Variants in ZNF726 observed in about 807,000 individuals in gnomAD.
ZNF726 encodes zinc finger protein 726.
Under a neutral mutation model 11.6 loss-of-function variants are expected in ZNF726, and 15 were observed. That is an observed-to-expected ratio of 1.29 (90% CI 0.86 to 1.99). The LOEUF is 1.99. Ranked by LOEUF, ZNF726 falls within the 30% of genes most tolerant of loss-of-function variation. The pLI is 0.00. For synonymous variants in ZNF726, 295 were observed against 243.6 expected (o/e 1.21, Z -1.96); for missense variants, 890 against 725.6 (o/e 1.23, Z -2.60).
chr19:23,935,262 C>T (rs754147382), downstream of ZNF726: 3 of 477,692 alleles, frequency 6.3e-6, no homozygotes, highest in South Asian at 3.0e-5. Flanking sequence ...TTTTATTAAA[C>T]ATAAGGTAAT....
intron 3 of ZNF726, among the ~76,000 whole-genome samples, chr19:23,931,101 G>T (rs1004660433): frequency 1.4e-4 from 21 of 152,126 alleles, no homozygotes; most frequent in Admixed American, 7.2e-4. Flanking sequence ...CTTCTGAGTA[G>T]CTGGGGCTGC....
chr19:23,936,894 T>G (rs909878252), downstream of ZNF726, among the ~76,000 whole-genome samples: 8 of 152,142 alleles, frequency 5.3e-5, no homozygotes, highest in African/African-American at 1.9e-4. Context: ...GATTTCTCAA[T>G]CTTTTCCCCA....
At chr19:23,927,556 AT>A (rs1346207615) in intron 3 of ZNF726, among the ~76,000 whole-genome samples, 1 of 152,086 alleles carries the variant, frequency 6.6e-6, no homozygotes, top group East Asian at 1.9e-4. Flanking sequence ...TACTGGCATG[AT>A]TTTGGCTCAC....
At chr19:23,940,616 C>T (rs549938812) in intron 3 of ZNF726, among the ~76,000 whole-genome samples, 3 of 152,122 alleles carry the variant, frequency 2.0e-5, no homozygotes, top group African/African-American at 7.2e-5. Flanking sequence ...TTCTATCCTT[C>T]CATGAGCATG....
intron 1 of ZNF726, chr19:23,919,152 A>G (rs1967777694): frequency 1.9e-6 from 1 of 534,140 alleles, no homozygotes; most frequent in Non-Finnish European, 3.0e-6. Context: ...GAAAAGTATC[A>G]TATATACACT....
At chr19:23,927,585 G>A (rs900686733) in intron 3 of ZNF726, among the ~76,000 whole-genome samples, 5 of 152,100 alleles carry the variant, frequency 3.3e-5, no homozygotes, top group African/African-American at 1.2e-4. Context: ...TCAACCTACT[G>A]GGCTCAAGTG....
rs762611568 is a variant in ZNF726 at position 23,934,073 on chromosome 19, T to A, written c.*106T>A. ...AGAGAAACCCTACAAATGTGAAGAA[T>A]GTGAAAAAGCTTTTAATCCTCAAAT... On this transcript the variant is annotated 3_prime_UTR_variant, in exon 4 of 4. Transcript: ENST00000594466. 1.4e-6 allele frequency: 2 copies of A among 1,396,724 alleles called. No homozygotes were observed. Among genetic ancestry groups the A allele is most frequent in the South Asian group, 1.2e-5 (1 of 84,514 alleles). 86.5% of individuals were successfully genotyped at this position (1,396,724 alleles called of 1,614,324 possible). A position where few individuals can be genotyped will look rare whatever the true frequency, so the allele number is the denominator to read the frequency against.
intron 3 of ZNF726, among the ~76,000 whole-genome samples, chr19:23,931,261 C>T (rs1347208790): frequency 6.6e-6 from 1 of 152,168 alleles, no homozygotes; most frequent in Admixed American, 6.5e-5. Context: ...CATGAGCCAC[C>T]GCTCCCCAGC....
downstream of ZNF726, among the ~76,000 whole-genome samples, chr19:23,937,296 C>T (rs1457129057): frequency 2.6e-5 from 4 of 151,830 alleles, no homozygotes; most frequent in Admixed American, 6.5e-5. Context: ...ACCCCCCCAC[C>T]TCCCTTCCGG....
chr19:23,921,895 G>A (rs1462995174), intron 3 of ZNF726, among the ~76,000 whole-genome samples: 1 of 152,172 alleles, frequency 6.6e-6, no homozygotes, highest in Non-Finnish European at 1.5e-5. Flanking sequence ...TACTTTCAGT[G>A]CTATGTTAAA....
In ZNF726 at chr19:23,934,157, G is replaced by A. The variant is rs1366300881; in HGVS notation, c.*190G>A. On this transcript the variant is annotated 3_prime_UTR_variant, in exon 4 of 4. Coordinates refer to ENST00000594466, the MANE Select transcript of ZNF726 (RefSeq NM_001244038.2). ...AAACCTTACAAGTGTGAAGAATGTGGGAAAGCTTTTAATCATTCTCAAATC... is the reference window on the plus strand; with the variant it reads ...AAACCTTACAAGTGTGAAGAATGTGAGAAAGCTTTTAATCATTCTCAAATC... The A allele has an allele frequency of 4.5e-6, 4 of 885,784 alleles. No homozygotes were observed. The highest frequency in any genetic ancestry group is 1.7e-5 in the African/African-American group (1 of 60,306). 54.9% of individuals were successfully genotyped at this position (885,784 alleles called of 1,614,324 possible). A position where few individuals can be genotyped will look rare whatever the true frequency, so the allele number is the denominator to read the frequency against.
At position 23,933,893 on chromosome 19, in the gene ZNF726, T is replaced by TA. The variant is rs1968179056; in HGVS notation, c.1778dup (p.Tyr593Ter). 6.3e-7 allele frequency: 1 copy of TA among 1,590,278 alleles called. No individual in the cohort carries two copies. Among genetic ancestry groups the TA allele is most frequent in the Non-Finnish European group, 8.6e-7 (1 of 1,168,138 alleles). Reference protein sequence around the residue: ...HKIIHTGEKPYKCDECGKSFI... With the variant: ...HKIIHTGEKP Reference sequence around the variant, plus strand: ...GATAATTCATACTGGAGAGAAACCTTACAAGTGTGACGAATGTGGCAAATC... The same window carrying TA: ...GATAATTCATACTGGAGAGAAACCTTAACAAGTGTGACGAATGTGGCAAATC... The change falls in exon 4 of 4, where the codon TAC (tyrosine) becomes TAAC (stop). Residue 593 changes from tyrosine to a stop codon, truncating the protein, a stop_gained and frameshift_variant. Transcript: ENST00000594466. LOFTEE classifies it low-confidence loss of function (END_TRUNC).
At chr19:23,940,007 A>G (rs903849293) in intron 3 of ZNF726, among the ~76,000 whole-genome samples, 3 of 151,758 alleles carry the variant, frequency 2.0e-5, no homozygotes, top group Non-Finnish European at 4.4e-5. Context: ...TTCATTTGCC[A>G]TGCAAAACCT....
intron 3 of ZNF726, among the ~76,000 whole-genome samples, chr19:23,927,345 C>T (rs966363361): frequency 6.6e-6 from 1 of 152,024 alleles, no homozygotes; most frequent in Non-Finnish European, 1.5e-5. Flanking sequence ...TATTCCTGAG[C>T]AAAAATATGT....
chr19:23,923,364 C>T (rs1471764849), intron 3 of ZNF726: 6 of 400,804 alleles, frequency 1.5e-5, no homozygotes, highest in African/African-American at 8.9e-5. Flanking sequence ...TATGATTGTA[C>T]TGCATTTTCT....
chr19:23,934,394 G>A lies in ZNF726; in HGVS notation c.*427G>A. The A allele has an allele frequency of 2.0e-6, 1 of 499,036 alleles. No homozygotes were observed. Among genetic ancestry groups the A allele is most frequent in the South Asian group, 1.5e-5 (1 of 65,820 alleles). 30.9% of individuals were successfully genotyped at this position (499,036 alleles called of 1,614,324 possible). ...TACTGAAGAGAAACCCTACAAATGTGAAAAATGTGTCAAAGCCTTTAAGCA... is the reference window on the plus strand; with the variant it reads ...TACTGAAGAGAAACCCTACAAATGTAAAAAATGTGTCAAAGCCTTTAAGCA... On this transcript the variant is annotated 3_prime_UTR_variant, in exon 4 of 4. Coordinates refer to ENST00000594466, the MANE Select transcript of ZNF726 (RefSeq NM_001244038.2).
chr19:23,922,406 G>C (rs1967874858), intron 3 of ZNF726, among the ~76,000 whole-genome samples: 1 of 152,192 alleles, frequency 6.6e-6, no homozygotes, highest in Non-Finnish European at 1.5e-5. Flanking sequence ...GGGACCACAG[G>C]AAAGGCCAAG....
chr19:23,924,493 TA>T (rs1568376640), intron 3 of ZNF726, among the ~76,000 whole-genome samples: 1 of 152,056 alleles, frequency 6.6e-6, no homozygotes, highest in African/African-American at 2.4e-5. Context: ...AGGTAATTTT[TA>T]AAAAAGATTC....
intron 3 of ZNF726, among the ~76,000 whole-genome samples, chr19:23,930,001 T>G (rs1968071870): frequency 6.6e-6 from 1 of 152,194 alleles, no homozygotes; most frequent in African/African-American, 2.4e-5. Context: ...ACTGTATTAC[T>G]CAGGCTGACC....
Sources: allele counts gnomAD v4.1 joint callset (sites outside exome capture counted in the v4.1 genomes callset), GRCh38; gene constraint gnomAD v4.1.1; transcripts MANE v1.5; gene names NCBI Gene and HGNC (gene_info 2026-07-23, HGNC 2026-07-21).